The following TNR variants were observed in gnomAD, a reference collection of about 807,000 sequenced individuals.
TNR encodes tenascin-R.
In TNR, 45 loss-of-function variants were observed where a neutral mutation model predicts 150.4. That is an observed-to-expected ratio of 0.30 (90% CI 0.24 to 0.38). The LOEUF (loss-of-function observed/expected upper bound fraction) is 0.38, where lower values mean the gene tolerates loss of function less well. TNR is among the 10% of genes least tolerant of loss of function. The pLI is 1.00. For missense variants in TNR, 1,544 were observed against 1,759.1 expected (o/e 0.88, Z 2.19); for synonymous variants, 687 against 678.4 (o/e 1.01, Z -0.20).
intron 1 of TNR, among the ~76,000 whole-genome samples, chr1:175,643,071 AT>A (rs1372843262): frequency 2.0e-5 from 3 of 152,230 alleles, no homozygotes; most frequent in Admixed American, 6.5e-5. Context: ...TTTATAATCT[AT>A]TGGGTGAGAG....
At chr1:175,465,396 G>A (rs1394999321) in intron 2 of TNR, among the ~76,000 whole-genome samples, 1 of 152,226 alleles carries the variant, frequency 6.6e-6, no homozygotes, top group East Asian at 1.9e-4. Flanking sequence ...TGATGGCACA[G>A]AATGAGACTT....
At chr1:175,591,728 G>GAA (rs1284178643) in intron 1 of TNR, among the ~76,000 whole-genome samples, 2 of 152,188 alleles carry the variant, frequency 1.3e-5, no homozygotes, top group Admixed American at 1.3e-4. Flanking sequence ...CCAGTAACAG[G>GAA]GCTGTTGACA....
chr1:175,714,907 AG>A (rs1208282241), intron 1 of TNR, among the ~76,000 whole-genome samples: 7 of 152,176 alleles, frequency 4.6e-5, no homozygotes, highest in Non-Finnish European at 1.0e-4. Context: ...GGTCAGCAGC[AG>A]GGGAGAGGCA....
At chr1:175,730,555 T>C (rs767166574) in intron 1 of TNR, among the ~76,000 whole-genome samples, 1 of 152,206 alleles carries the variant, frequency 6.6e-6, no homozygotes, top group Non-Finnish European at 1.5e-5. Flanking sequence ...TAGAGAACAC[T>C]GGATGAAAAC....
chr1:175,453,975 A>AT (rs1285188287), intron 2 of TNR, among the ~76,000 whole-genome samples: 1 of 151,940 alleles, frequency 6.6e-6, no homozygotes, highest in Non-Finnish European at 1.5e-5. Context: ...GACAGGGTGA[A>AT]TTTTTTCCAG....
intron 1 of TNR, among the ~76,000 whole-genome samples, chr1:175,633,057 C>T (rs920449484): frequency 6.6e-6 from 1 of 152,118 alleles, no homozygotes; most frequent in Non-Finnish European, 1.5e-5. Context: ...ATCTGGAATA[C>T]CCACCCCCTC....
chr1:175,565,211 T>C (rs1661593952), intron 1 of TNR, among the ~76,000 whole-genome samples: 1 of 152,230 alleles, frequency 6.6e-6, no homozygotes, highest in South Asian at 2.1e-4. Flanking sequence ...CTGAGGGTGC[T>C]GTCTTTCTAA....
intron 20 of TNR, among the ~76,000 whole-genome samples, chr1:175,330,987 C>A (rs893682334): frequency 7.2e-6 from 1 of 139,388 alleles, no homozygotes; most frequent in Non-Finnish European, 1.6e-5. Flanking sequence ...GAGTCCAGAT[C>A]CCTCTTGGTG....
intron 4 of TNR, among the ~76,000 whole-genome samples, chr1:175,399,618 A>G (rs1194620860): frequency 6.6e-6 from 1 of 152,216 alleles, no homozygotes; most frequent in Non-Finnish European, 1.5e-5. Flanking sequence ...TAATCCTTAT[A>G]AAAGAAAATT....
At chr1:175,455,436 A>G (rs1656529326) in intron 2 of TNR, among the ~76,000 whole-genome samples, 1 of 152,262 alleles carries the variant, frequency 6.6e-6, no homozygotes, top group South Asian at 2.1e-4. Context: ...GGCCCCAATA[A>G]GTAGGCGTTT....
rs760042687 is a variant in TNR at position 175,578,382 on chromosome 1, G to T, written c.-164-50013C>A. On this transcript the variant is annotated intron_variant, in intron 1 of 22. Transcript: ENST00000367674. ...AGATTAAAAAGGAGGGAGAGGAAAG[G>T]CACTGGAGGGGAATATAAATAGAAC... Among the ~76,000 whole-genome samples the T allele has an allele frequency of 2.2e-4, 34 of 151,778 alleles. 1 individual carries two copies. The highest frequency in any genetic ancestry group is 4.7e-4 in the Non-Finnish European group (32 of 67,938).
rs533385471 is a variant in TNR, at chr1:175,720,019, G to C, written c.-165+23207C>G. 7.9e-5 allele frequency among the ~76,000 whole-genome samples: 12 copies of C among 152,298 alleles called. 1 individual carries two copies. Among genetic ancestry groups the C allele is most frequent in the African/African-American group, 2.9e-4 (12 of 41,568 alleles). ...AGCAACACGTTTCTGCCCAAAGAGG[G>C]AGATCTGGACTGTTTCCAGCACTGT... On this transcript the variant is annotated intron_variant, in intron 1 of 22. Coordinates refer to ENST00000367674, the MANE Select transcript of TNR (RefSeq NM_003285.3).
intron 2 of TNR, among the ~76,000 whole-genome samples, chr1:175,410,218 G>A (rs1654146080): frequency 6.6e-6 from 1 of 152,196 alleles, no homozygotes; most frequent in East Asian, 1.9e-4. Context: ...AATGAACAAG[G>A]GAGCCCTGTG....
chr1:175,513,711 A>G (rs1209931331), intron 2 of TNR, among the ~76,000 whole-genome samples: 1 of 152,154 alleles, frequency 6.6e-6, no homozygotes, highest in East Asian at 1.9e-4. Context: ...GAGGGGTGCT[A>G]TTGACTGGGC....
At chr1:175,656,001 G>C (rs1431258450) in intron 1 of TNR, among the ~76,000 whole-genome samples, 1 of 152,078 alleles carries the variant, frequency 6.6e-6, no homozygotes, top group South Asian at 2.1e-4. Context: ...TCCAGCCAGG[G>C]CTCTGTTCAC....
At chr1:175,467,967 G>A (rs78691961) in intron 2 of TNR, among the ~76,000 whole-genome samples, 826 of 152,342 alleles carry the variant, frequency 5.4e-3, no homozygotes, top group Middle Eastern at 0.017. Context: ...TGTCCTTAGG[G>A]AGAGAGGGAA....
intron 1 of TNR, among the ~76,000 whole-genome samples, chr1:175,574,449 C>G (rs555868797): frequency 6.6e-6 from 1 of 152,202 alleles, no homozygotes; most frequent in African/African-American, 2.4e-5. Context: ...CACACCATTT[C>G]CTCAGGTCTT....
intron 2 of TNR, among the ~76,000 whole-genome samples, chr1:175,438,071 A>G (rs1006507626): frequency 6.6e-6 from 1 of 152,200 alleles, no homozygotes; most frequent in Non-Finnish European, 1.5e-5. Context: ...CAGAGACACA[A>G]TAAAAAAAGA....
intron 1 of TNR, among the ~76,000 whole-genome samples, chr1:175,730,522 T>C (rs992741011): frequency 2.0e-5 from 3 of 152,198 alleles, no homozygotes; most frequent in Non-Finnish European, 4.4e-5. Flanking sequence ...AGAGAGTAGA[T>C]CTTTAATAAC....
Sources: allele counts gnomAD v4.1 joint callset (sites outside exome capture counted in the v4.1 genomes callset), GRCh38; gene constraint gnomAD v4.1.1; transcripts MANE v1.5; gene names NCBI Gene and HGNC (gene_info 2026-07-23, HGNC 2026-07-21).